Variants in PROS1 observed in about 807,000 individuals in gnomAD.
PROS1 encodes protein S.
A neutral mutation model predicts 75.9 loss-of-function variants in PROS1; 29 were observed. The ratio of observed to expected loss-of-function variants is 0.38; its 90% confidence interval spans 0.28 to 0.52. PROS1 has a LOEUF of 0.52. Ranked by LOEUF, PROS1 falls within the 20% of genes least tolerant of loss-of-function variation. The pLI, the probability that PROS1 is intolerant of heterozygous loss-of-function variation, is 0.83. For synonymous variants in PROS1, 245 were observed against 280.6 expected (o/e 0.87, Z 1.27); for missense variants, 680 against 810.3 (o/e 0.84, Z 1.95).
chr3:93,901,791 T>C (rs1708598747), intron 6 of PROS1, among the ~76,000 whole-genome samples: 1 of 152,230 alleles, frequency 6.6e-6, no homozygotes. Context: ...TGTCAATGTC[T>C]TGAGTGTGAA....
intron 1 of PROS1, among the ~76,000 whole-genome samples, chr3:93,953,673 G>T (rs748364265): frequency 2.9e-5 from 3 of 102,692 alleles, no homozygotes; most frequent in Admixed American, 1.0e-4. Flanking sequence ...GCACAAGACC[G>T]GGATGCCCTC....
At chr3:93,893,677 A>G (rs1404431521) in intron 9 of PROS1, among the ~76,000 whole-genome samples, 2 of 152,106 alleles carry the variant, frequency 1.3e-5, no homozygotes, top group Non-Finnish European at 2.9e-5. Context: ...GATCTACAAG[A>G]TGGCACATGG....
chr3:93,933,525 G>T (rs1277437536), intron 1 of PROS1, among the ~76,000 whole-genome samples: 1 of 151,440 alleles, frequency 6.6e-6, no homozygotes, highest in Non-Finnish European at 1.5e-5. Flanking sequence ...AGGGAGCCCC[G>T]AATGTGTCAC....
intron 12 of PROS1, among the ~76,000 whole-genome samples, chr3:93,883,697 C>T (rs982641120): frequency 3.3e-5 from 5 of 151,952 alleles, no homozygotes; most frequent in Non-Finnish European, 5.9e-5. Context: ...AGGCTGGGTG[C>T]GGTGGCTCAC....
chr3:93,930,925 T>C (rs1451830911), intron 1 of PROS1, among the ~76,000 whole-genome samples: 2 of 152,192 alleles, frequency 1.3e-5, no homozygotes, highest in Non-Finnish European at 2.9e-5. Flanking sequence ...GTCTCAATTG[T>C]TGAGAGGAAT....
At chr3:93,959,403 A>G (rs575997331) in intron 1 of PROS1, among the ~76,000 whole-genome samples, 2 of 152,256 alleles carry the variant, frequency 1.3e-5, no homozygotes, top group South Asian at 4.1e-4. Context: ...CCCACCTCAC[A>G]TCTAGTAATT....
intron 6 of PROS1, among the ~76,000 whole-genome samples, chr3:93,905,256 A>G (rs1708655781): frequency 6.6e-6 from 1 of 152,228 alleles, no homozygotes; most frequent in South Asian, 2.1e-4. Context: ...AAACATACAC[A>G]CAAGTGTGTA....
At chr3:93,916,726 G>A (rs550526294) in intron 3 of PROS1, among the ~76,000 whole-genome samples, 1 of 152,308 alleles carries the variant, frequency 6.6e-6, no homozygotes, top group Admixed American at 6.5e-5. Flanking sequence ...CCACAGGAGA[G>A]AAAGGCTAAG....
intron 12 of PROS1, among the ~76,000 whole-genome samples, chr3:93,882,563 G>A (rs1158287123): frequency 1.6e-4 from 24 of 152,156 alleles, no homozygotes; most frequent in Admixed American, 1.6e-3. Flanking sequence ...GCCAGAATGA[G>A]AACACTTTCT....
chr3:93,891,350 T>C (rs1328165622), intron 10 of PROS1, among the ~76,000 whole-genome samples: 1 of 152,180 alleles, frequency 6.6e-6, no homozygotes, highest in African/African-American at 2.4e-5. Context: ...TTTAATCCAG[T>C]TGATTAAAGT....
At chr3:93,939,272 C>T (rs1709238982) in intron 1 of PROS1, among the ~76,000 whole-genome samples, 1 of 152,134 alleles carries the variant, frequency 6.6e-6, no homozygotes, top group Admixed American at 6.5e-5. Flanking sequence ...TTCTTTTACA[C>T]ATCAGTCCCT....
intron 1 of PROS1, among the ~76,000 whole-genome samples, chr3:93,948,864 C>T (rs1246788729): frequency 1.3e-5 from 2 of 152,136 alleles, no homozygotes; most frequent in African/African-American, 2.4e-5. Flanking sequence ...AGGTTATTTG[C>T]TCTATACATT....
chr3:93,876,986 G>A lies in PROS1; in HGVS notation c.1850C>T (p.Thr617Ile). 6.2e-7 allele frequency: 1 copy of A among 1,610,732 alleles called. No individual in the cohort carries two copies. Among genetic ancestry groups the A allele is most frequent in the Non-Finnish European group, 8.5e-7 (1 of 1,177,380 alleles). The change falls in exon 14 of 15, where the codon ACA becomes ATA. Residue 617 changes from threonine to isoleucine, a missense_variant. Physicochemically the swap from Thr to Ile is moderately conservative, Grantham distance 89 (BLOSUM62 -1). Transcript: ENST00000394236. Reference sequence around the variant, plus strand: ...GATACCTGGAAGGCCACCCAGGTATGTGGCCACTTTTGCTTTCATTGCTTT... The same window carrying A: ...GATACCTGGAAGGCCACCCAGGTATATGGCCACTTTTGCTTTCATTGCTTT... ...LDKAMKAKVA[T>I]YLGGLPDVPF...
In PROS1 at chr3:93,877,097, T is replaced by C; in HGVS notation, c.1739A>G (p.Asn580Ser). Residue 580 changes from asparagine (N) to serine (S), a missense_variant, in exon 14 of 15, where the codon AAC (asparagine) becomes AGC (serine). By Grantham distance (46) the Asn-to-Ser change is conservative. Transcript: ENST00000394236. ...TGTCGACAACTCCAGATTGTTTCTG[T>C]TGACTCTAAATTCCAGATGAGATTG... Reference protein sequence around the residue: ...DQQSHLEFRVNRNNLELSTPL... With the variant: ...DQQSHLEFRVSRNNLELSTPL... 6.2e-7 allele frequency: 1 copy of C among 1,612,950 alleles called. No individual in the cohort carries two copies. Among genetic ancestry groups the C allele is most frequent in the Non-Finnish European group, 8.5e-7 (1 of 1,178,994 alleles).
chr3:93,886,942 C>T lies in PROS1; in HGVS notation c.1156-439G>A, dbSNP rs191906866. Among the ~76,000 whole-genome samples the T allele has an allele frequency of 8.4e-4, 120 of 143,110 alleles. 1 individual carries two copies. The East Asian group carries it at 0.022, about 26-fold the overall frequency. The allele number at this position is 143,110 out of a possible 152,430, so 93.9% of individuals were successfully genotyped here. A position where few individuals can be genotyped will look rare whatever the true frequency, so the allele number is the denominator to read the frequency against. On this transcript the variant is annotated intron_variant, in intron 10 of 14. Coordinates refer to ENST00000394236, the MANE Select transcript of PROS1 (RefSeq NM_000313.4). ...TTTTTTTTTTTTTGAGACGGAGTCT[C>T]GCTCTGTCGCCCAGGCCAGACTGCG...
intron 10 of PROS1, among the ~76,000 whole-genome samples, chr3:93,892,639 AT>A (rs1474214144): frequency 5.9e-5 from 9 of 152,020 alleles, no homozygotes; most frequent in Admixed American, 5.9e-4. Flanking sequence ...AAAAAAAAAA[AT>A]GTTAGGCCTC....
intron 1 of PROS1, among the ~76,000 whole-genome samples, chr3:93,953,254 C>T (rs1406071599): frequency 1.3e-5 from 2 of 152,132 alleles, no homozygotes; most frequent in African/African-American, 4.8e-5. Context: ...GATACCAAAG[C>T]CTGGCAGAGA....
chr3:93,952,938 A>T (rs1709530384), intron 1 of PROS1, among the ~76,000 whole-genome samples: 1 of 152,222 alleles, frequency 6.6e-6, no homozygotes. Context: ...CCATCAGAGA[A>T]AACTATAAAC....
rs1440265358 is a variant in PROS1 at position 93,952,563 on chromosome 3, G to A, written c.76+21111C>T. Among the ~76,000 whole-genome samples, 3 of 152,036 alleles carry A rather than the reference G, an allele frequency of 2.0e-5. No homozygotes were observed. In the East Asian group the frequency reaches 5.8e-4, roughly 29 times the overall value. Reference sequence around the variant, plus strand: ...AAGACACAACGTACCAGAATCTCTGGGACACATTTAAAGCAGTGTGTAGAG... The same window carrying A: ...AAGACACAACGTACCAGAATCTCTGAGACACATTTAAAGCAGTGTGTAGAG... On this transcript the variant is annotated intron_variant, in intron 1 of 14. Coordinates refer to ENST00000394236, the MANE Select transcript of PROS1 (RefSeq NM_000313.4).
Sources: allele counts gnomAD v4.1 joint callset (sites outside exome capture counted in the v4.1 genomes callset), GRCh38; gene constraint gnomAD v4.1.1; transcripts MANE v1.5; gene names NCBI Gene and HGNC (gene_info 2026-07-23, HGNC 2026-07-21).